The following USP54 variants were observed in gnomAD, a reference collection of about 807,000 sequenced individuals.
USP54 encodes the protein ubiquitin carboxyl-terminal hydrolase 54.
Under a neutral mutation model 170.5 loss-of-function variants are expected in USP54, and 87 were observed. The ratio of observed to expected loss-of-function variants is 0.51; its 90% CI spans 0.43 to 0.61. The LOEUF (loss-of-function observed/expected upper bound fraction) is 0.61. Among genes scored for constraint, USP54 ranks in the 20% least tolerant of loss-of-function variants. The pLI is 0.00. For missense variants in USP54, 1,786 were observed against 2,047.8 expected (o/e 0.87, Z 2.47); for synonymous variants, 655 against 742.8 (o/e 0.88, Z 1.92).
rs1160364867 is a variant in USP54 at position 73,516,515 on chromosome 10, A to C, written c.3911T>G (p.Leu1304Trp). 6 of 1,614,152 alleles carry C rather than the reference A, an allele frequency of 3.7e-6. No individual in the cohort carries two copies. The East Asian group carries it at 1.3e-4, about 36-fold the overall frequency. Residue 1304 changes from leucine (L) to tryptophan (W), a missense_variant, in exon 20 of 24, where the codon TTG (leucine) becomes TGG (tryptophan). Coordinates refer to ENST00000687698, the MANE Select transcript of USP54 (RefSeq NM_001391956.1). ...TGTGTCTTGGTTCCAATGTGGATGC[A>C]AAAGGATGTGATTTCTCTCTGGATA... ...VTYPERNHILLHPHWNQDTEQ... is the reference protein window; with the variant it reads ...VTYPERNHILWHPHWNQDTEQ...
chr10:73,599,051 C>G (rs1346194715), intron 1 of USP54, among the ~76,000 whole-genome samples: 3 of 152,168 alleles, frequency 2.0e-5, no homozygotes, highest in African/African-American at 4.8e-5. Context: ...TGCATTCCAG[C>G]CTGGGCAACA....
intron 1 of USP54, among the ~76,000 whole-genome samples, chr10:73,578,549 T>C (rs575855731): frequency 6.6e-6 from 1 of 152,244 alleles, no homozygotes. Flanking sequence ...GTAGCTGGGA[T>C]TACAGGCATG....
At chr10:73,615,456 T>G (rs1312605729) in intron 1 of USP54, among the ~76,000 whole-genome samples, 2 of 149,928 alleles carry the variant, frequency 1.3e-5, no homozygotes, top group Non-Finnish European at 2.9e-5. Context: ...ATTGTACATT[T>G]TTAAATAACT....
intron 1 of USP54, among the ~76,000 whole-genome samples, chr10:73,612,861 AAAG>A (rs1330436669): frequency 6.6e-6 from 1 of 151,476 alleles, no homozygotes; most frequent in Non-Finnish European, 1.5e-5. Context: ...AAAAAAAAAA[AAAG>A]AATATATTTG....
chr10:73,590,326 C>A (rs2078092908), intron 1 of USP54, among the ~76,000 whole-genome samples: 1 of 152,134 alleles, frequency 6.6e-6, no homozygotes, highest in Non-Finnish European at 1.5e-5. Flanking sequence ...ATACAACCAT[C>A]ATTTGAATAA....
chr10:73,499,236 T>C, intron 23 of USP54, 48 bp from the exon 24 acceptor site: 1 of 1,536,158 alleles, frequency 6.5e-7, no homozygotes, highest in East Asian at 2.2e-5. Flanking sequence ...CAGAAAACCA[T>C]TCTCCTTCCC....
upstream of USP54, among the ~76,000 whole-genome samples, chr10:73,594,032 T>C (rs894043622): frequency 6.6e-6 from 1 of 152,126 alleles, no homozygotes; most frequent in African/African-American, 2.4e-5. Flanking sequence ...AGGCAGGAAC[T>C]GAGTGGCTCC....
intron 16 of USP54, among the ~76,000 whole-genome samples, chr10:73,525,324 CTG>C (rs1335397171): frequency 1.3e-5 from 2 of 152,270 alleles, no homozygotes; most frequent in East Asian, 3.9e-4. Context: ...AATGTTTGTT[CTG>C]TGTCTTAATA....
chr10:73,569,620 G>A (rs2074606701), intron 4 of USP54, among the ~76,000 whole-genome samples: 1 of 151,862 alleles, frequency 6.6e-6, no homozygotes, highest in Non-Finnish European at 1.5e-5. Context: ...GGGCGTGGTG[G>A]CAGGTGCCTG....
At chr10:73,625,917 C>G (rs1031304352), upstream of USP54, 2 of 152,008 alleles carry the variant, frequency 1.3e-5, no homozygotes, top group Non-Finnish European at 2.9e-5. Context: ...GCCCCGCCCC[C>G]CTGAGGGTGT....
chr10:73,573,679 C>T (rs887250431), intron 3 of USP54, among the ~76,000 whole-genome samples: 2 of 152,182 alleles, frequency 1.3e-5, no homozygotes, highest in Non-Finnish European at 2.9e-5. Flanking sequence ...GCAGGAGAAT[C>T]GCTTGAACCC....
In USP54 at chr10:73,507,995, A is replaced by G. The variant is rs545439751; in HGVS notation, c.4052-2569T>C. 2.6e-5 allele frequency among the ~76,000 whole-genome samples: 4 copies of G among 152,268 alleles called. No homozygotes were observed. In the South Asian group the frequency reaches 6.2e-4, roughly 24 times the overall value. ...GACAGAGTAAGACTTTGTCTCAAAA[A>G]AAAGAAAAAAGATTTACAGAGTAAT... On this transcript the variant is annotated intron_variant, in intron 20 of 23. Coordinates refer to ENST00000687698, the MANE Select transcript of USP54 (RefSeq NM_001391956.1).
At chr10:73,521,402 T>C (rs925425944) in intron 17 of USP54, among the ~76,000 whole-genome samples, 3 of 152,242 alleles carry the variant, frequency 2.0e-5, no homozygotes, top group Admixed American at 1.3e-4. Context: ...TAGGTTCTTA[T>C]GCCCGGAATT....
intron 4 of USP54, among the ~76,000 whole-genome samples, chr10:73,566,459 C>T (rs1323455945): frequency 6.6e-6 from 1 of 151,970 alleles, no homozygotes; most frequent in Non-Finnish European, 1.5e-5. Flanking sequence ...ATGGGCCAGG[C>T]GCAGTGGCTC....
At chr10:73,557,487 ATT>A (rs60308315) in intron 4 of USP54, among the ~76,000 whole-genome samples, 19 of 134,076 alleles carry the variant, frequency 1.4e-4, no homozygotes, top group East Asian at 6.3e-4. Context: ...CACCTGGCTA[ATT>A]TTTTTTTTTT....
intron 3 of USP54, among the ~76,000 whole-genome samples, chr10:73,572,479 A>C (rs955577239): frequency 6.6e-6 from 1 of 152,220 alleles, no homozygotes; most frequent in African/African-American, 2.4e-5. Flanking sequence ...ATGAAAAAGC[A>C]TAATTTCTGG....
At chr10:73,569,612 G>A (rs953435153) in intron 4 of USP54, among the ~76,000 whole-genome samples, 1 of 151,852 alleles carries the variant, frequency 6.6e-6, no homozygotes, top group Admixed American at 6.6e-5. Flanking sequence ...ATTAGCTAGG[G>A]CGTGGTGGCA....
Position 73,519,888 on chromosome 10 carries a change from C to T in USP54, c.2587G>A (p.Asp863Asn), listed in dbSNP as rs1253894678. The T allele has an allele frequency of 6.2e-7, 1 of 1,614,116 alleles. No individual in the cohort carries two copies. Among genetic ancestry groups the T allele is most frequent in the South Asian group, 1.1e-5 (1 of 91,082 alleles). ...ISIRKARSLQ[D>N]RMQQQQSPQQ... ...GGTGATTGCTGCTGCTGCATGCGATCCTGCAGGCTCCGTGCTTTTCGAATA... is the reference window on the plus strand; with the variant it reads ...GGTGATTGCTGCTGCTGCATGCGATTCTGCAGGCTCCGTGCTTTTCGAATA... Residue 863 changes from aspartate (D) to asparagine (N), a missense_variant, in exon 19 of 24, where the codon GAT (aspartate) becomes AAT (asparagine). By Grantham distance (23) the Asp-to-Asn change is conservative. Transcript: ENST00000687698.
intron 20 of USP54, chr10:73,506,110 C>A (rs935129356): frequency 6.6e-6 from 1 of 152,162 alleles, no homozygotes; most frequent in African/African-American, 2.4e-5. Context: ...TCATAATAAT[C>A]ATCTATCAAA....
Sources: allele counts gnomAD v4.1 joint callset (sites outside exome capture counted in the v4.1 genomes callset), GRCh38; gene constraint gnomAD v4.1.1; transcripts MANE v1.5; gene names NCBI Gene and HGNC (gene_info 2026-07-23, HGNC 2026-07-21).